The following RAP1GAP variants were observed in gnomAD, a reference collection of about 807,000 sequenced individuals.
RAP1GAP encodes RAP1 GTPase activating protein.
RAP1GAP carries 35 observed loss-of-function variants against 87.2 expected under a neutral mutation model. The ratio of observed to expected loss-of-function variants is 0.40; its 90% CI spans 0.31 to 0.53. The LOEUF (loss-of-function observed/expected upper bound fraction) is 0.53. Ranked by LOEUF, RAP1GAP falls within the 20% of genes least tolerant of loss-of-function variation. The pLI is 0.48. For synonymous variants in RAP1GAP, 375 were observed against 363.9 expected (o/e 1.03, Z -0.35); for missense variants, 734 against 898.9 (o/e 0.82, Z 2.35).
At chr1:21,602,712 G>A (rs769965423) in intron 19 of RAP1GAP, 92 bp downstream of exon 19, 20 of 1,120,140 alleles carry the variant, frequency 1.8e-5, no homozygotes, top group Middle Eastern at 2.0e-4. Context: ...GCAGAGGGGC[G>A]GGCACTCCCT....
intron 1 of RAP1GAP, among the ~76,000 whole-genome samples, chr1:21,650,347 T>G (rs1477725451): frequency 1.3e-5 from 2 of 151,998 alleles, no homozygotes; most frequent in African/African-American, 4.8e-5. Flanking sequence ...CCAACACACG[T>G]ACCCTGCTCC....
intron 2 of RAP1GAP, among the ~76,000 whole-genome samples, chr1:21,644,987 T>G (rs377087503): frequency 1.3e-5 from 2 of 151,856 alleles, no homozygotes; most frequent in East Asian, 1.9e-4. Context: ...TATTTACTTA[T>G]AGTCTGCCTC....
Position 21,609,073 on chromosome 1 carries a change from C to A in RAP1GAP, c.1072-137G>T. ...GGGCCTGGGGTCACCCTCTTCACTC[C>A]CAAAAGGGTATCTCCCTGGGCTCAG... On this transcript the variant is annotated intron_variant, in intron 15 of 24. Coordinates refer to ENST00000374765, the MANE Select transcript of RAP1GAP (RefSeq NM_002885.4). This position sits in a 1 kb window ranked among gnomAD's most constrained non-coding sequence, Gnocchi z 4.4. 1.3e-6 allele frequency: 1 copy of A among 748,662 alleles called. No individual in the cohort carries two copies. The allele number at this position is 748,662 out of a possible 1,614,324, so 46.4% of individuals were successfully genotyped here. A position where few individuals can be genotyped will look rare whatever the true frequency, so the allele number is the denominator to read the frequency against.
At chr1:21,657,895 ACT>A (rs1410157744) in intron 1 of RAP1GAP, among the ~76,000 whole-genome samples, 2 of 151,918 alleles carry the variant, frequency 1.3e-5, no homozygotes, top group Non-Finnish European at 2.9e-5. Flanking sequence ...CCAGTCTGGG[ACT>A]CTGAGAGCCC....
chr1:21,610,350 T>G, intron 13 of RAP1GAP, 75 bp from the exon 14 acceptor site: 244 of 1,536,858 alleles, frequency 1.6e-4, no homozygotes, highest in Non-Finnish European at 1.9e-4. Flanking sequence ...CACGGGGGTT[T>G]AGGAGGGTTT....
chr1:21,617,219 G>C, intron 7 of RAP1GAP, 87 bp downstream of exon 7: 2 of 1,433,278 alleles, frequency 1.4e-6, no homozygotes, highest in Non-Finnish European at 9.4e-7. Context: ...CCTGGCCCAT[G>C]GGTTCTGCTC....
chr1:21,662,237 A>G (rs1024003071), intron 1 of RAP1GAP, among the ~76,000 whole-genome samples: 3 of 152,216 alleles, frequency 2.0e-5, no homozygotes, highest in African/African-American at 7.2e-5. Flanking sequence ...CAAAATGTGG[A>G]TGAATCTTGC....
At chr1:21,638,225 A>T (rs1156719161) in intron 2 of RAP1GAP, among the ~76,000 whole-genome samples, 1 of 151,992 alleles carries the variant, frequency 6.6e-6, no homozygotes, top group African/African-American at 2.4e-5. Flanking sequence ...TGGGAGGCCA[A>T]GTCAGGTGGA....
Position 21,609,602 on chromosome 1 carries a change from G to A in RAP1GAP, c.1044C>T (p.Pro348=), listed in dbSNP as rs371386567. 12 of 1,580,698 alleles carry A rather than the reference G, an allele frequency of 7.6e-6. 1 individual carries two copies. In the African/African-American group the frequency reaches 1.2e-4, roughly 16 times the overall value. ...TCCTGAACACAGCGGGGTCCGGGAG[G>A]GGGGGTCCAAAGAAGGGCACATCAT... The part of the protein sequence containing the change: ...ARDDVPFFGP[P]LPDPAVFRKG... The change falls in exon 15 of 25, where the codon CCC becomes CCT. Residue 348 remains proline (P), a synonymous_variant. Transcript: ENST00000374765. This position sits in a 1 kb window ranked among gnomAD's most constrained non-coding sequence, Gnocchi z 4.4.
Position 21,656,292 on chromosome 1 carries a change from G to T in RAP1GAP, c.-148-6496C>A, listed in dbSNP as rs540472865. On this transcript the variant is annotated intron_variant, in intron 1 of 24. Coordinates refer to ENST00000374765, the MANE Select transcript of RAP1GAP (RefSeq NM_002885.4). ...TTAAAAATACAAAAATTAGCTGGGC[G>T]TGGTGGCACCCAGCTACTCAGGAGG... Among the ~76,000 whole-genome samples, 178 of 151,890 alleles carry T rather than the reference G, an allele frequency of 1.2e-3. 1 individual carries two copies. Among genetic ancestry groups the T allele is most frequent in the African/African-American group, 4.0e-3 (164 of 41,436 alleles).
intron 6 of RAP1GAP, 127 bp downstream of exon 6, chr1:21,617,807 T>C (rs1570757727): frequency 5.9e-6 from 8 of 1,360,032 alleles, no homozygotes; most frequent in Non-Finnish European, 8.3e-6. Context: ...GGCCTGCAAA[T>C]TAAGTCTCCA....
intron 23 of RAP1GAP, 40 bp from the exon 24 acceptor site, chr1:21,597,768 G>A (rs1645939336): frequency 1.9e-6 from 3 of 1,611,290 alleles, no homozygotes; most frequent in Non-Finnish European, 1.7e-6. Flanking sequence ...TGGCAAGACG[G>A]GAGAAGCAAC....
In RAP1GAP at chr1:21,613,951, T is replaced by C. The variant is rs767594237; in HGVS notation, c.395+35A>G. ...CTCTGAGATTGTAAGACCTCAGCCCTTCCTGCCATCTCAGGACTCCCCCAC... is the reference window on the plus strand; with the variant it reads ...CTCTGAGATTGTAAGACCTCAGCCCCTCCTGCCATCTCAGGACTCCCCCAC... On this transcript the variant is annotated intron_variant, in intron 8 of 24. Transcript: ENST00000374765. The surrounding 1 kb of genome is among the most constrained non-coding windows in gnomAD (Gnocchi z 4.7). 6.7e-7 allele frequency: 1 copy of C among 1,484,604 alleles called. No homozygotes were observed. The highest frequency in any genetic ancestry group is 1.8e-5 in the Admixed American group (1 of 55,382). The allele number at this position is 1,484,604 out of a possible 1,614,324, so 92.0% of individuals were successfully genotyped here.
At chr1:21,624,672 G>C (rs910539441) in intron 3 of RAP1GAP, among the ~76,000 whole-genome samples, 2 of 152,246 alleles carry the variant, frequency 1.3e-5, no homozygotes, top group South Asian at 4.1e-4. Context: ...GGTGGGGGTG[G>C]GCTGTCGGGA....
intron 2 of RAP1GAP, among the ~76,000 whole-genome samples, chr1:21,641,092 GTA>G (rs2095484296): frequency 7.4e-5 from 4 of 54,130 alleles, no homozygotes; most frequent in East Asian, 5.9e-4. Context: ...TTTTTTTTTT[GTA>G]TTTTTAGTAA....
intron 2 of RAP1GAP, among the ~76,000 whole-genome samples, chr1:21,632,796 G>A (rs954661807): frequency 6.6e-6 from 1 of 151,968 alleles, no homozygotes; most frequent in South Asian, 2.1e-4. Context: ...AGGCACTCAG[G>A]AGGCTGAGGT....
chr1:21,631,938 C>T (rs2093827767), intron 2 of RAP1GAP, among the ~76,000 whole-genome samples: 1 of 152,174 alleles, frequency 6.6e-6, no homozygotes, highest in Admixed American at 6.5e-5. Context: ...GGCCCTGGCT[C>T]CTGCAGCCAC....
At chr1:21,605,907 C>A (rs2074166867) in intron 18 of RAP1GAP, among the ~76,000 whole-genome samples, 159 bp downstream of exon 18, 1 of 152,228 alleles carries the variant, frequency 6.6e-6, no homozygotes, top group Non-Finnish European at 1.5e-5. Flanking sequence ...ACTTCACCCC[C>A]CTCCCATGGA....
chr1:21,609,659 G>T lies in RAP1GAP; in HGVS notation c.1000-13C>A. On this transcript the variant is annotated splice_polypyrimidine_tract_variant and intron_variant, in intron 14 of 24. Coordinates refer to ENST00000374765, the MANE Select transcript of RAP1GAP (RefSeq NM_002885.4). The surrounding 1 kb of genome is among the most constrained non-coding windows in gnomAD (Gnocchi z 4.4). ...CAGTGACAGAGACCTGGAAGGGAGG[G>T]CAGCTGTCTGTTCCTGTGGAGCCTG... The T allele has an allele frequency of 6.4e-7, 1 of 1,556,674 alleles. No homozygotes were observed. Among genetic ancestry groups the T allele is most frequent in the South Asian group, 1.3e-5 (1 of 78,562 alleles).
Sources: allele counts gnomAD v4.1 joint callset (sites outside exome capture counted in the v4.1 genomes callset), GRCh38; gene constraint gnomAD v4.1.1; non-coding constraint Gnocchi (gnomAD v3.1); transcripts MANE v1.5; gene names NCBI Gene and HGNC (gene_info 2026-07-23, HGNC 2026-07-21).